Variants in SLC6A15 observed in about 807,000 individuals in gnomAD.
The protein encoded by SLC6A15 is sodium-dependent neutral amino acid transporter B(0)AT2.
In SLC6A15, 33 loss-of-function variants were observed where a neutral mutation model predicts 68.5. The ratio of observed to expected loss-of-function variants is 0.48; its 90% CI spans 0.37 to 0.64. The LOEUF (loss-of-function observed/expected upper bound fraction) is 0.64, where lower values mean the gene tolerates loss of function less well. Ranked by LOEUF, SLC6A15 falls within the 30% of genes least tolerant of loss-of-function variation. The pLI, the probability that SLC6A15 is intolerant of heterozygous loss-of-function variation, is 0.00. For missense variants in SLC6A15, 747 were observed against 874.3 expected (o/e 0.85, Z 1.84); for synonymous variants, 347 against 301.0 (o/e 1.15, Z -1.58).
chr12:84,910,296 T>TAAA (rs376105078), intron 1 of SLC6A15, among the ~76,000 whole-genome samples: 1 of 150,834 alleles, frequency 6.6e-6, no homozygotes, highest in African/African-American at 2.4e-5. Context: ...CCTGTCATCC[T>TAAA]AAAAAAAAAC....
chr12:84,878,242 A>T (rs1042897558), intron 5 of SLC6A15, among the ~76,000 whole-genome samples: 2 of 152,190 alleles, frequency 1.3e-5, no homozygotes, highest in Admixed American at 6.5e-5. Context: ...AATGAACATA[A>T]TTTTTTAATA....
intron 1 of SLC6A15, among the ~76,000 whole-genome samples, chr12:84,904,580 A>AC (rs1873051856): frequency 6.6e-6 from 1 of 152,208 alleles, no homozygotes; most frequent in African/African-American, 2.4e-5. Context: ...GGCTAGATCT[A>AC]TGTAGAGGAT....
At chr12:84,872,930 C>T in intron 7 of SLC6A15, 136 bp from the exon 8 acceptor site, 1 of 1,201,126 alleles carries the variant, frequency 8.3e-7, no homozygotes, top group Non-Finnish European at 1.1e-6. Flanking sequence ...GAGGTGATGA[C>T]TATCCCATTT....
intron 1 of SLC6A15, among the ~76,000 whole-genome samples, chr12:84,907,389 T>C (rs989329902): frequency 1.3e-5 from 2 of 151,682 alleles, no homozygotes; most frequent in African/African-American, 4.8e-5. Flanking sequence ...CCATTATAAA[T>C]AAAATAAGAA....
chr12:84,895,387 T>C (rs1232426421), intron 1 of SLC6A15, among the ~76,000 whole-genome samples: 1 of 137,226 alleles, frequency 7.3e-6, no homozygotes, highest in Non-Finnish European at 1.5e-5. Context: ...TCTCACTCTG[T>C]CCCCCAGGCT....
chr12:84,897,807 A>T (rs1458592015), intron 1 of SLC6A15, among the ~76,000 whole-genome samples: 1 of 152,130 alleles, frequency 6.6e-6, no homozygotes, highest in Non-Finnish European at 1.5e-5. Context: ...ACATAATCAT[A>T]AAATTTAGCC....
At position 84,885,428 on chromosome 12, in the gene SLC6A15, A is replaced by C. The variant is rs1402005223; in HGVS notation, c.574+7T>G. The C allele has an allele frequency of 6.2e-7, 1 of 1,610,640 alleles. No individual in the cohort carries two copies. On this transcript the variant is annotated splice_region_variant and intron_variant, in intron 4 of 11. Coordinates refer to ENST00000266682, the MANE Select transcript of SLC6A15 (RefSeq NM_182767.6). ...AATACCAAAACACTGTATTATACAT[A>C]TCTTACAAGTGTGTGAAGCATTTTT...
chr12:84,863,730 G>A (rs1449405090), intron 10 of SLC6A15, 129 bp from the exon 11 acceptor site: 3 of 565,494 alleles, frequency 5.3e-6, no homozygotes, highest in African/African-American at 3.9e-5. Context: ...CTGTATCAAA[G>A]TTCCTCTTGG....
intron 5 of SLC6A15, chr12:84,883,225 A>G (rs1410692698): frequency 1.0e-6 from 1 of 983,308 alleles, no homozygotes; most frequent in African/African-American, 1.8e-5. Context: ...TCCTTTAAAA[A>G]TAATAACAAA....
intron 1 of SLC6A15, among the ~76,000 whole-genome samples, chr12:84,897,818 A>T (rs1872691942): frequency 6.6e-6 from 1 of 152,158 alleles, no homozygotes; most frequent in Non-Finnish European, 1.5e-5. Context: ...AAATTTAGCC[A>T]AACAGAGAAA....
intron 1 of SLC6A15, among the ~76,000 whole-genome samples, chr12:84,911,255 A>T (rs558932083): frequency 1.3e-5 from 2 of 152,214 alleles, no homozygotes; most frequent in East Asian, 3.9e-4. Context: ...GGAGCCCCAA[A>T]GCAGCATATA....
At chr12:84,889,602 G>A (rs1872297214) in intron 2 of SLC6A15, among the ~76,000 whole-genome samples, 1 of 152,144 alleles carries the variant, frequency 6.6e-6, no homozygotes, top group Non-Finnish European at 1.5e-5. Context: ...GAAAGACTAC[G>A]ATTTAATAAA....
intron 8 of SLC6A15, among the ~76,000 whole-genome samples, chr12:84,871,276 CT>C (rs1310749318): frequency 6.7e-6 from 1 of 149,858 alleles, no homozygotes. Context: ...ACATCTTTAC[CT>C]TTTTTTACTT....
intron 2 of SLC6A15, among the ~76,000 whole-genome samples, chr12:84,890,899 T>C (rs1238395976): frequency 6.6e-6 from 1 of 152,204 alleles, no homozygotes; most frequent in African/African-American, 2.4e-5. Context: ...AATGCATGAC[T>C]TATGGAATAT....
chr12:84,872,249 AT>A (rs1042502584), intron 8 of SLC6A15, among the ~76,000 whole-genome samples: 4 of 152,088 alleles, frequency 2.6e-5, no homozygotes, highest in Non-Finnish European at 5.9e-5. Context: ...GCAATCATGT[AT>A]GTGTAAATGA....
intron 1 of SLC6A15, among the ~76,000 whole-genome samples, chr12:84,901,215 G>A (rs74972031): frequency 0.041 from 6,258 of 151,434 alleles, 405 homozygotes; most frequent in African/African-American, 0.14. Context: ...GGCAGCACTC[G>A]CCAATAAAGC....
intron 8 of SLC6A15, among the ~76,000 whole-genome samples, chr12:84,872,330 T>G (rs778499455): frequency 6.6e-6 from 1 of 152,184 alleles, no homozygotes; most frequent in African/African-American, 2.4e-5. Context: ...CATTCTATGA[T>G]GAAAATCACT....
At chr12:84,903,181 T>G (rs1352426373) in intron 1 of SLC6A15, among the ~76,000 whole-genome samples, 2 of 152,176 alleles carry the variant, frequency 1.3e-5, no homozygotes, top group Non-Finnish European at 2.9e-5. Flanking sequence ...TTTTGTTGAC[T>G]TCTGTGAATC....
chr12:84,871,388 T>A (rs1390635051), intron 8 of SLC6A15, among the ~76,000 whole-genome samples: 11 of 151,194 alleles, frequency 7.3e-5, no homozygotes, highest in Admixed American at 7.3e-4. Flanking sequence ...TCAAAACTAA[T>A]AACAAAATGA....
Sources: allele counts gnomAD v4.1 joint callset (sites outside exome capture counted in the v4.1 genomes callset), GRCh38; gene constraint gnomAD v4.1.1; transcripts MANE v1.5; gene names NCBI Gene and HGNC (gene_info 2026-07-23, HGNC 2026-07-21).